The following SVOPL variants were observed in gnomAD, a reference collection of about 807,000 sequenced individuals.
SVOPL encodes putative transporter SVOPL.
A neutral mutation model predicts 61.0 loss-of-function variants in SVOPL; 60 were observed. The ratio of observed to expected loss-of-function variants is 0.98; its 90% CI spans 0.80 to 1.22. SVOPL has a LOEUF of 1.22. Among genes scored for constraint, SVOPL ranks in the 50% most tolerant of loss-of-function variants. The probability of loss-of-function intolerance (pLI) is 0.00; values close to 1 mark genes in which losing one functional copy is unlikely to be tolerated. For missense variants in SVOPL, 662 were observed against 643.9 expected, an observed-to-expected ratio of 1.03 and a Z score of -0.30; for synonymous variants, 279 against 250.0, an observed-to-expected ratio of 1.12 and a Z score of -1.09.
chr7:138,660,366 C>A, intron 5 of SVOPL: 1 of 992,734 alleles, frequency 1.0e-6, no homozygotes, highest in Non-Finnish European at 1.2e-6. Context: ...TTTGCTTTTT[C>A]TTTAATTATA....
intron 3 of SVOPL, among the ~76,000 whole-genome samples, chr7:138,674,170 A>G (rs530103558): frequency 2.0e-4 from 30 of 150,522 alleles, no homozygotes; most frequent in Non-Finnish European, 3.6e-4. Context: ...CCTGAGCAAC[A>G]GAACAAGACT....
chr7:138,631,577 C>T (rs1379042406), intron 9 of SVOPL, among the ~76,000 whole-genome samples: 1 of 150,490 alleles, frequency 6.6e-6, no homozygotes, highest in Non-Finnish European at 1.5e-5. Flanking sequence ...CTCCCCAAAG[C>T]TTTTTTTTTG....
chr7:138,639,497 G>T (rs542783441), intron 9 of SVOPL, among the ~76,000 whole-genome samples: 2 of 149,146 alleles, frequency 1.3e-5, no homozygotes, highest in Middle Eastern at 3.8e-3. Context: ...CGTGGTGGCG[G>T]GTGCCTGTAA....
chr7:138,666,666 A>G (rs1288289063), intron 4 of SVOPL, among the ~76,000 whole-genome samples: 1 of 152,216 alleles, frequency 6.6e-6, no homozygotes, highest in Admixed American at 6.5e-5. Flanking sequence ...CAGTTTCAGC[A>G]GCTTATACAG....
intron 1 of SVOPL, among the ~76,000 whole-genome samples, chr7:138,688,506 G>C (rs1042029770): frequency 6.6e-6 from 1 of 152,174 alleles, no homozygotes; most frequent in African/African-American, 2.4e-5. Flanking sequence ...CTGACCTCCA[G>C]TGGTCCACCT....
At chr7:138,674,440 C>A (rs1413581885) in intron 3 of SVOPL, among the ~76,000 whole-genome samples, 1 of 151,906 alleles carries the variant, frequency 6.6e-6, no homozygotes, top group African/African-American at 2.4e-5. Flanking sequence ...CATCGTAAGA[C>A]CAGTCGAAAG....
intron 8 of SVOPL, among the ~76,000 whole-genome samples, 174 bp downstream of exon 8, chr7:138,648,838 C>G (rs1368956516): frequency 6.6e-6 from 1 of 152,168 alleles, no homozygotes; most frequent in Non-Finnish European, 1.5e-5. Context: ...AGGAGAATCA[C>G]CTGAACCTGG....
chr7:138,660,100 G>C, intron 5 of SVOPL, 112 bp from the exon 6 acceptor site: 3 of 1,485,876 alleles, frequency 2.0e-6, no homozygotes, highest in Non-Finnish European at 1.8e-6. Flanking sequence ...CTTCTCTGAG[G>C]AGCTAACCTG....
At chr7:138,658,623 A>C (rs1031346976) in intron 6 of SVOPL, among the ~76,000 whole-genome samples, 1 of 152,122 alleles carries the variant, frequency 6.6e-6, no homozygotes, top group Non-Finnish European at 1.5e-5. Flanking sequence ...TATTTCCTGT[A>C]ACAAAATATT....
At chr7:138,605,814 A>G (rs915831212) in intron 14 of SVOPL, among the ~76,000 whole-genome samples, 4 of 152,216 alleles carry the variant, frequency 2.6e-5, no homozygotes, top group African/African-American at 9.6e-5. Context: ...TCTGGCTGAG[A>G]GGGAGTCCTC....
intron 12 of SVOPL, among the ~76,000 whole-genome samples, chr7:138,626,519 G>C (rs1199798912): frequency 6.6e-6 from 1 of 152,040 alleles, no homozygotes; most frequent in Non-Finnish European, 1.5e-5. Context: ...CAGCCTCTTG[G>C]GTAGCTGGGA....
In SVOPL at chr7:138,627,332, C is replaced by T. The variant is rs771073311; in HGVS notation, c.1181+18G>A. On this transcript the variant is annotated intron_variant, in intron 12 of 15. Transcript: ENST00000674285. ...AGAAACCACTGCACAAAATCTGAAG[C>T]AATTAAACAGAAAATACCTTGAAGT... 2.6e-5 allele frequency: 41 copies of T among 1,586,042 alleles called. 1 individual carries two copies. Among genetic ancestry groups the T allele is most frequent in the Middle Eastern group, 1.7e-4 (1 of 6,036 alleles).
rs17837492 is a variant in SVOPL, at chr7:138,689,362, G to A, written c.-34-10283C>T. The A allele has an allele frequency of 0.023, 36,213 of 1,586,186 alleles. 3,309 individuals are homozygous for A. The African/African-American group carries it at 0.25, about 11-fold the overall frequency. On this transcript the variant is annotated intron_variant, in intron 1 of 15. Coordinates refer to ENST00000674285, the MANE Select transcript of SVOPL (RefSeq NM_001139456.2). ...AACAAAGCACCTAAGATGCGCCGCC[G>A]GATCGACAGAGCTTATGGTCGGATT... is the stretch of plus-strand genomic sequence containing the variant.
chr7:138,689,440 A>G, intron 1 of SVOPL: 1 of 1,181,408 alleles, frequency 8.5e-7, no homozygotes, highest in Non-Finnish European at 1.2e-6. Flanking sequence ...ACTGAAAAGG[A>G]ACAGATTGTT....
chr7:138,611,890 A>T (rs1258592353), intron 14 of SVOPL, among the ~76,000 whole-genome samples: 1 of 72,868 alleles, frequency 1.4e-5, no homozygotes, highest in Admixed American at 2.2e-4. Flanking sequence ...CCCGTCTGGG[A>T]GGTGTGCCCA....
intron 1 of SVOPL, among the ~76,000 whole-genome samples, chr7:138,683,999 G>A (rs1802752250): frequency 6.6e-6 from 1 of 151,556 alleles, no homozygotes; most frequent in Admixed American, 6.6e-5. Flanking sequence ...GTTGCAGTGA[G>A]CCGAAATCAT....
intron 9 of SVOPL, among the ~76,000 whole-genome samples, chr7:138,637,746 G>A (rs1800566798): frequency 6.6e-6 from 1 of 151,926 alleles, no homozygotes; most frequent in Non-Finnish European, 1.5e-5. Context: ...GAGGTCAGGA[G>A]TTCGAGACCA....
intron 9 of SVOPL, among the ~76,000 whole-genome samples, chr7:138,638,965 A>G (rs1311383810): frequency 1.3e-5 from 2 of 152,218 alleles, no homozygotes; most frequent in African/African-American, 2.4e-5. Context: ...TACAAAATAA[A>G]TAACAGGCCA....
intron 14 of SVOPL, among the ~76,000 whole-genome samples, chr7:138,611,216 A>C (rs1394015979): frequency 1.3e-5 from 2 of 152,216 alleles, no homozygotes; most frequent in African/African-American, 2.4e-5. Flanking sequence ...CGTCTCTATT[A>C]AAAATAAAAA....
Sources: gnomAD v4.1 joint callset for allele counts (sites outside exome capture counted in the v4.1 genomes callset) on GRCh38, gnomAD v4.1.1 for gene constraint, MANE v1.5 for transcripts, NCBI Gene and HGNC (gene_info 2026-07-23, HGNC 2026-07-21) for gene names.